MYBBP1A: variants seen among roughly 807,000 people sequenced by gnomAD.
MYBBP1A encodes the protein MYB binding protein 1a.
In MYBBP1A, 147 loss-of-function variants were observed where a neutral mutation model predicts 136.3. The observed-to-expected ratio is 1.08, with a 90% CI of 0.94 to 1.24. The LOEUF (loss-of-function observed/expected upper bound fraction) is 1.24. MYBBP1A is among the 50% of genes most tolerant of loss of function. MYBBP1A has a pLI of 0.00. For missense variants in MYBBP1A, 2,060 were observed against 1,727.4 expected (o/e 1.19, Z -3.41); for synonymous variants, 947 against 735.8 (o/e 1.29, Z -4.65).
chr17:4,541,937 TGCTCACG>T (rs757008722), intron 22 of MYBBP1A, 46 bp from the exon 23 acceptor site: 75 of 1,516,938 alleles, frequency 4.9e-5, no homozygotes, highest in Non-Finnish European at 6.4e-5. Context: ...GCACGTTGGG[TGCTCACG>T]GCTCAGGGAT....
At chr17:4,544,994 CG>C in intron 17 of MYBBP1A, 31 bp downstream of exon 17, 2 of 1,425,352 alleles carry the variant, frequency 1.4e-6, no homozygotes, top group Non-Finnish European at 1.9e-6. Context: ...GAGCCCTCCC[CG>C]GCCGCCCCCC....
In MYBBP1A at chr17:4,552,117, G is replaced by C; in HGVS notation, c.905+8C>G. ...AGGGGGCCGAGAGAGGACACGCGTCGCCCGCACCTGGCTGGCCAGAACTGC... is the reference window on the plus strand; with the variant it reads ...AGGGGGCCGAGAGAGGACACGCGTCCCCCGCACCTGGCTGGCCAGAACTGC... On this transcript the variant is annotated splice_region_variant and intron_variant, in intron 7 of 25. Coordinates refer to ENST00000254718, the MANE Select transcript of MYBBP1A (RefSeq NM_014520.4). The surrounding 1 kb of genome is among the most constrained non-coding windows in gnomAD (Gnocchi z 4.7). 1.9e-6 allele frequency: 3 copies of C among 1,612,610 alleles called. No homozygotes were observed. The highest frequency in any genetic ancestry group is 2.5e-6 in the Non-Finnish European group (3 of 1,179,074).
Position 4,552,704 on chromosome 17 carries a change from A to C in MYBBP1A, c.562-78T>G. 7.3e-7 allele frequency: 1 copy of C among 1,377,364 alleles called. No individual in the cohort carries two copies. The highest frequency in any genetic ancestry group is 1.0e-6 in the Non-Finnish European group (1 of 1,001,490). 85.3% of individuals were successfully genotyped at this position (1,377,364 alleles called of 1,614,324 possible). A position where few individuals can be genotyped will look rare whatever the true frequency, so the allele number is the denominator to read the frequency against. On this transcript the variant is annotated intron_variant, in intron 5 of 25. Transcript: ENST00000254718. This position sits in a 1 kb window ranked among gnomAD's most constrained non-coding sequence, Gnocchi z 4.7. Reference sequence around the variant, plus strand: ...GGATCCTGTTCTACCTGCTCCTGACACGGGGCCACCTGGTGAGGTATCAGA... The same window carrying C: ...GGATCCTGTTCTACCTGCTCCTGACCCGGGGCCACCTGGTGAGGTATCAGA...
At chr17:4,551,371 C>A (rs2144495531) in intron 8 of MYBBP1A, among the ~76,000 whole-genome samples, 1 of 152,360 alleles carries the variant, frequency 6.6e-6, no homozygotes, top group African/African-American at 2.4e-5. Flanking sequence ...GCTATCCATG[C>A]CCACAAGGGG....
In MYBBP1A at chr17:4,545,031, C is replaced by T; in HGVS notation, c.2305G>A (p.Ala769Thr). ...CCTCCACCTCCCCCACTCACCAGCG[C>T]CTTCCCAGCCTGCAGCACGGTCATC... ...QLMTVLQAGK[A>T]LGGEDSENEE... Residue 769 changes from alanine (A) to threonine (T), a missense_variant, in exon 17 of 26, where the codon GCG becomes ACG. By Grantham distance (58) the Ala-to-Thr change is moderately conservative (BLOSUM62 0). Coordinates refer to ENST00000254718, the MANE Select transcript of MYBBP1A (RefSeq NM_014520.4). 6.5e-7 allele frequency: 1 copy of T among 1,536,498 alleles called. No homozygotes were observed. Among genetic ancestry groups the T allele is most frequent in the Non-Finnish European group, 8.7e-7 (1 of 1,143,370 alleles).
chr17:4,543,208 C>T (rs1292906918), intron 19 of MYBBP1A, 43 bp from the exon 20 acceptor site: 10 of 1,545,242 alleles, frequency 6.5e-6, no homozygotes, highest in Non-Finnish European at 8.7e-6. Flanking sequence ...CATTCTCGGT[C>T]CACCCTGCTC....
In MYBBP1A at chr17:4,552,004, G is replaced by T. The variant is rs201631635; in HGVS notation, c.906-7C>A. 2.9e-4 allele frequency: 463 copies of T among 1,606,614 alleles called. 2 individuals carry two copies. Among genetic ancestry groups the T allele is most frequent in the Middle Eastern group, 1.6e-4 (1 of 6,066 alleles). ...CAGGCGGAAACACAGGTAGCTAAAG[G>T]GGGTGCAGGACAGAGCCTGGTCAGA... On this transcript the variant is annotated splice_polypyrimidine_tract_variant and splice_region_variant and intron_variant, in intron 7 of 25. Transcript: ENST00000254718. The surrounding 1 kb of genome is among the most constrained non-coding windows in gnomAD (Gnocchi z 4.7).
intron 19 of MYBBP1A, among the ~76,000 whole-genome samples, chr17:4,543,947 G>A (rs1906710200): frequency 1.3e-5 from 2 of 152,188 alleles, no homozygotes; most frequent in Admixed American, 6.5e-5. Context: ...GCTAGGGTCA[G>A]GGCCTGCGAG....
chr17:4,544,370 G>C, intron 19 of MYBBP1A, 119 bp downstream of exon 19: 1 of 1,346,378 alleles, frequency 7.4e-7, no homozygotes, highest in Non-Finnish European at 1.0e-6. Flanking sequence ...TGCGAGCTAG[G>C]GGCCCAGGCT....
In MYBBP1A at chr17:4,554,107, C is replaced by T. The variant is rs372790628; in HGVS notation, c.379-14G>A. On this transcript the variant is annotated splice_polypyrimidine_tract_variant and intron_variant, in intron 3 of 25. Coordinates refer to ENST00000254718, the MANE Select transcript of MYBBP1A (RefSeq NM_014520.4). ...TCTCAGCATTGCCTAGAAAAGGATT[C>T]CAGGCACAGGCATGAGGGGCCCTGG... 181 of 1,613,854 alleles carry T rather than the reference C, an allele frequency of 1.1e-4. No homozygotes were observed. The highest frequency in any genetic ancestry group is 1.5e-4 in the Non-Finnish European group (177 of 1,180,004).
At position 4,539,489 on chromosome 17, in the gene MYBBP1A, C is replaced by G; in HGVS notation, c.3913G>C (p.Val1305Leu). The G allele has an allele frequency of 1.9e-6, 3 of 1,614,176 alleles. No homozygotes were observed. The highest frequency in any genetic ancestry group is 2.5e-6 in the Non-Finnish European group (3 of 1,180,028). ...TGAAGCAGGCTGGGACTCCTGATGA[C>G]CAAAGACAGCCTTGCCTTTTTCCGT... ...LARKKARLSL[V>L]IRSPSLLQSG... The change falls in exon 26 of 26, where the codon GTC (valine) becomes CTC (leucine). Residue 1305 changes from valine to leucine, a missense_variant. Coordinates refer to ENST00000254718, the MANE Select transcript of MYBBP1A (RefSeq NM_014520.4).
chr17:4,554,756 C>T, intron 2 of MYBBP1A, 105 bp downstream of exon 2: 1 of 1,121,142 alleles, frequency 8.9e-7, no homozygotes, highest in Non-Finnish European at 1.3e-6. Context: ...CCCGACCTCT[C>T]TCTCGGGCTG....
intron 19 of MYBBP1A, among the ~76,000 whole-genome samples, chr17:4,543,937 G>A (rs746731386): frequency 9.2e-5 from 14 of 152,122 alleles, no homozygotes; most frequent in Admixed American, 2.0e-4. Flanking sequence ...CTCCAGCACC[G>A]CTAGGGTCAG....
chr17:4,550,175 G>A lies in MYBBP1A; in HGVS notation c.1202C>T (p.Pro401Leu), dbSNP rs191583083. 2.9e-5 allele frequency: 46 copies of A among 1,613,832 alleles called. No homozygotes were observed. The highest frequency in any genetic ancestry group is 2.7e-4 in the Admixed American group (16 of 60,004). ...CCAGGCCACATAGCCCTGCAGGGCC[G>A]GAGGGCTCAGGAACCGCACGACCCG... ...FWRVVRFLSP[P>L]ALQGYVAWLR... The change falls in exon 9 of 26, where the codon CCG (proline) becomes CTG (leucine). Residue 401 changes from proline to leucine, a missense_variant. Transcript: ENST00000254718.
intron 24 of MYBBP1A, 35 bp downstream of exon 24, chr17:4,541,428 C>A (rs753746654): frequency 6.3e-7 from 1 of 1,590,416 alleles, no homozygotes; most frequent in South Asian, 1.1e-5. Flanking sequence ...CCAAGAGGAA[C>A]CCGAACACGA....
rs1284538877 is a variant in MYBBP1A, at chr17:4,553,934, G to A, written c.454-17C>T. On this transcript the variant is annotated splice_polypyrimidine_tract_variant and intron_variant, in intron 4 of 25. Transcript: ENST00000254718. ...CTCCTGGTCCTGGTCCCCACAGAGG[G>A]ACAGAGGGTATGAGCAGGGCACACG... 1.9e-6 allele frequency: 3 copies of A among 1,613,820 alleles called. No individual in the cohort carries two copies. Among genetic ancestry groups the A allele is most frequent in the Non-Finnish European group, 2.5e-6 (3 of 1,179,932 alleles).
intron 13 of MYBBP1A, among the ~76,000 whole-genome samples, chr17:4,546,845 CTT>C (rs1249839890): frequency 8.6e-5 from 13 of 152,018 alleles, no homozygotes; most frequent in Admixed American, 2.6e-4. Context: ...GCCCAAAGCC[CTT>C]GTCATTGCTC....
chr17:4,541,689 G>A (rs1160442367), intron 23 of MYBBP1A, 95 bp downstream of exon 23: 8 of 1,436,906 alleles, frequency 5.6e-6, no homozygotes, highest in Admixed American at 1.7e-5. Flanking sequence ...TCCCGACTCT[G>A]GACTCAGGCT....
Position 4,544,793 on chromosome 17 carries a change from C to T in MYBBP1A, c.2439G>A (p.Lys813=). 6.3e-7 allele frequency: 1 copy of T among 1,598,526 alleles called. No homozygotes were observed. The highest frequency in any genetic ancestry group is 2.3e-5 in the East Asian group (1 of 44,140). The change falls in exon 18 of 26, where the codon AAG becomes AAA. Residue 813 remains lysine (K), a synonymous_variant. Coordinates refer to ENST00000254718, the MANE Select transcript of MYBBP1A (RefSeq NM_014520.4). ...RIQARRDEKN[K]LQKEKALRRD... is the part of the protein sequence containing the mutation. ...GCCGCAGAGCCTTCTCCTTCTGCAG[C>T]TTGTTCTTCTCGTCTCGCCGGGCCT...
Sources: gnomAD v4.1 joint callset for allele counts (sites outside exome capture counted in the v4.1 genomes callset) on GRCh38, gnomAD v4.1.1 for gene constraint, Gnocchi (gnomAD v3.1) non-coding constraint, MANE v1.5 for transcripts, NCBI Gene and HGNC (gene_info 2026-07-23, HGNC 2026-07-21) for gene names.